The following CFAP92 variants were observed in gnomAD, a reference collection of about 807,000 sequenced individuals.
CFAP92 encodes the protein uncharacterized protein CFAP92.
Under a neutral mutation model 106.3 loss-of-function variants are expected in CFAP92, and 86 were observed. That is an observed-to-expected ratio of 0.81 (90% CI 0.68 to 0.97). The LOEUF is 0.97. CFAP92 is among the 50% of genes least tolerant of loss of function. The probability of loss-of-function intolerance (pLI) is 0.00; values close to 1 mark genes in which losing one functional copy is unlikely to be tolerated. For missense variants in CFAP92, 1,204 were observed against 1,283.8 expected, an observed-to-expected ratio of 0.94 and a Z score of 0.95; for synonymous variants, 477 against 506.4, an observed-to-expected ratio of 0.94 and a Z score of 0.78.
intron 4 of CFAP92, among the ~76,000 whole-genome samples, chr3:128,983,836 T>C (rs1445818335): frequency 6.6e-6 from 1 of 152,014 alleles, no homozygotes; most frequent in East Asian, 1.9e-4. Flanking sequence ...TGGAAACAGA[T>C]TGTAAAATGC....
the CFAP92 span, among the ~76,000 whole-genome samples, chr3:129,013,472 A>C: frequency 1.3e-5 from 2 of 152,102 alleles, no homozygotes; most frequent in Non-Finnish European, 2.9e-5. Flanking sequence ...CTTTCTTTCT[A>C]TCCTTTATCT....
intron 8 of CFAP92, chr3:128,968,392 T>C (rs1942538626): frequency 6.6e-6 from 1 of 152,168 alleles, no homozygotes; most frequent in Non-Finnish European, 1.5e-5. Flanking sequence ...TGAAGATGAT[T>C]ACCAAAAATA....
intron 4 of CFAP92, chr3:128,978,443 T>C (rs1943305029): frequency 3.4e-6 from 1 of 289,984 alleles, no homozygotes; most frequent in South Asian, 5.6e-5. Flanking sequence ...AATACCTTAT[T>C]GGGGCCAGAT....
chr3:128,936,052 C>G (rs1938983241), intron 10 of CFAP92, among the ~76,000 whole-genome samples: 2 of 152,212 alleles, frequency 1.3e-5, no homozygotes, highest in South Asian at 2.1e-4. Flanking sequence ...TGTCTCACCC[C>G]CCTTCCTGCC....
At chr3:128,997,879 CA>C (rs1204435113), upstream of CFAP92, among the ~76,000 whole-genome samples, 2 of 152,180 alleles carry the variant, frequency 1.3e-5, no homozygotes. Context: ...GAGAAACTGC[CA>C]AACTATCTTC....
intron 15 of CFAP92, 89 bp from the exon 16 acceptor site, chr3:128,910,422 G>T: frequency 7.6e-7 from 1 of 1,314,588 alleles, no homozygotes; most frequent in Non-Finnish European, 1.0e-6. Flanking sequence ...TGCCCGCTGT[G>T]CTGGAGGGAG....
chr3:128,957,236 C>T (rs1371993671), intron 9 of CFAP92, among the ~76,000 whole-genome samples: 1 of 152,148 alleles, frequency 6.6e-6, no homozygotes, highest in African/African-American at 2.4e-5. Flanking sequence ...TAAACAAATA[C>T]ACTTTCCTTC....
chr3:128,945,787 C>T lies in CFAP92; in HGVS notation c.1542G>A (p.Arg514=). 2 of 1,528,924 alleles carry T rather than the reference C, an allele frequency of 1.3e-6. No individual in the cohort carries two copies. Among genetic ancestry groups the T allele is most frequent in the South Asian group, 2.4e-5 (2 of 82,772 alleles). 94.7% of individuals were successfully genotyped at this position (1,528,924 alleles called of 1,614,324 possible). A position where few individuals can be genotyped will look rare whatever the true frequency, so the allele number is the denominator to read the frequency against. ...GPPMVVEVHD[R]DRKSEECSQK... is the part of the protein sequence containing the mutation. ...GAGAACACTCCTCTGACTTGCGGTC[C>T]CGGTCGTGAACTTCCACCACCATGG... The change falls in exon 10 of 16, where the codon CGG becomes CGA. Residue 514 remains arginine, a synonymous_variant. Transcript: ENST00000645291.
At chr3:128,913,026 T>C (rs1936519872) in intron 15 of CFAP92, 2 of 457,810 alleles carry the variant, frequency 4.4e-6, no homozygotes, top group Admixed American at 2.3e-5. Flanking sequence ...GTCTGGGTCA[T>C]TCATTTAAAC....
At chr3:129,020,024 C>G in the CFAP92 span, among the ~76,000 whole-genome samples, 1 of 152,120 alleles carries the variant, frequency 6.6e-6, no homozygotes, top group African/African-American at 2.4e-5. Context: ...CTACCTCAGC[C>G]TCCCAAAGTG....
chr3:128,916,159 G>C lies in CFAP92; in HGVS notation c.2864C>G (p.Thr955Ser), dbSNP rs774492095. The change falls in exon 13 of 16, where the codon ACC becomes AGC. Residue 955 changes from threonine (T) to serine (S), a missense_variant. Transcript: ENST00000645291. The part of the protein sequence containing the change: ...NKAVYNYSTQ[T>S]MNSTELAKKE... ...CTTGGCAAGCTCTGTAGAATTCATGGTCTGGGTACTATAGTTGTAGACGGC... is the reference window on the plus strand; with the variant it reads ...CTTGGCAAGCTCTGTAGAATTCATGCTCTGGGTACTATAGTTGTAGACGGC... 3 of 1,232,176 alleles carry C rather than the reference G, an allele frequency of 2.4e-6. No individual in the cohort carries two copies. The highest frequency in any genetic ancestry group is 3.0e-6 in the Non-Finnish European group (3 of 987,984). 76.3% of individuals were successfully genotyped at this position (1,232,176 alleles called of 1,614,324 possible). A position where few individuals can be genotyped will look rare whatever the true frequency, so the allele number is the denominator to read the frequency against.
At position 128,915,507 on chromosome 3, in the gene CFAP92, G is replaced by GGGCTCCACCAT; in HGVS notation, c.2962_2972dup (p.Leu992TrpfsTer7). On this transcript the variant is annotated frameshift_variant, in exon 14 of 16. Transcript: ENST00000645291. LOFTEE classifies it high-confidence loss of function. ...TCTTCTCCTCTTCCTTCAAGTCCAG[G>GGGCTCCACCAT]GGCTCCACCATGGCTGAGAGGTAAT... 2.0e-6 allele frequency: 3 copies of GGGCTCCACCAT among 1,535,838 alleles called. No individual in the cohort carries two copies. Among genetic ancestry groups the GGGCTCCACCAT allele is most frequent in the Non-Finnish European group, 2.6e-6 (3 of 1,146,806 alleles).
chr3:128,961,830 T>C (rs1228838313), intron 9 of CFAP92, among the ~76,000 whole-genome samples: 1 of 152,152 alleles, frequency 6.6e-6, no homozygotes, highest in Non-Finnish European at 1.5e-5. Context: ...AACCTCTCCT[T>C]CAAGGTGTAC....
At chr3:128,938,819 G>T (rs559878938) in intron 10 of CFAP92, among the ~76,000 whole-genome samples, 77 of 151,948 alleles carry the variant, frequency 5.1e-4, no homozygotes, top group African/African-American at 1.8e-3. Flanking sequence ...GCACATCCAG[G>T]CCAGTACAAC....
rs757533284 is a variant in CFAP92, at chr3:128,988,934, T to G, written c.263-16A>C. On this transcript the variant is annotated splice_polypyrimidine_tract_variant and intron_variant, in intron 2 of 15. Coordinates refer to ENST00000645291, the MANE Select transcript of CFAP92 (RefSeq NM_001394090.1). ...CCCTTCTGACCTTGAAGATACAGAT[T>G]GAAAAAGTCTCGTTTTAACCTCATG... The G allele has an allele frequency of 6.3e-7, 1 of 1,598,600 alleles. No homozygotes were observed.
chr3:129,001,773 G>A, intron 1 of CFAP92: 2 of 1,543,062 alleles, frequency 1.3e-6, no homozygotes, highest in African/African-American at 2.8e-5. Context: ...GAACGAGATC[G>A]TGGTGCTGGC....
rs1404646611 is a variant in CFAP92 at position 128,965,713 on chromosome 3, A to G, written c.1169-18T>C. On this transcript the variant is annotated intron_variant, in intron 8 of 15. Coordinates refer to ENST00000645291, the MANE Select transcript of CFAP92 (RefSeq NM_001394090.1). ...TTGCCATCCTGGGGGAAATACACCCAGCATTAGACCTTTCCTCCCGACACC... is the reference window on the plus strand; with the variant it reads ...TTGCCATCCTGGGGGAAATACACCCGGCATTAGACCTTTCCTCCCGACACC... 4 of 398,746 alleles carry G rather than the reference A, an allele frequency of 1.0e-5. No homozygotes were observed. Among genetic ancestry groups the G allele is most frequent in the African/African-American group, 2.1e-5 (1 of 48,592 alleles). 24.7% of individuals were successfully genotyped at this position (398,746 alleles called of 1,614,324 possible). A position where few individuals can be genotyped will look rare whatever the true frequency, so the allele number is the denominator to read the frequency against.
rs368688380 is a variant in CFAP92, at chr3:128,977,003, T to C, written c.872A>G (p.Lys291Arg). The C allele has an allele frequency of 6.1e-5, 99 of 1,613,896 alleles. No homozygotes were observed. Among genetic ancestry groups the C allele is most frequent in the East Asian group, 3.8e-4 (17 of 44,874 alleles). Residue 291 changes from lysine to arginine, a missense_variant, in exon 6 of 16, where the codon AAA (lysine) becomes AGA (arginine). Lys to Arg is a conservative substitution (Grantham distance 26, BLOSUM62 2). Transcript: ENST00000645291. ...CTGAATCGTGGAAGAATCGTCCATT[T>C]TGAGGGACTTCTCATATTCCTCACT... The part of the protein sequence containing the change: ...KNSEEYEKSL[K>R]MDDSSTIQWS...
the CFAP92 span, among the ~76,000 whole-genome samples, chr3:129,015,505 C>T: frequency 1.3e-5 from 2 of 152,058 alleles, no homozygotes; most frequent in East Asian, 1.9e-4. Flanking sequence ...CTTCATCCTT[C>T]GGTGAATTAA....
Sources: gnomAD v4.1 joint callset for allele counts (sites outside exome capture counted in the v4.1 genomes callset) on GRCh38, gnomAD v4.1.1 for gene constraint, MANE v1.5 for transcripts, NCBI Gene and HGNC (gene_info 2026-07-23, HGNC 2026-07-21) for gene names.